CFAP61: variants seen among roughly 807,000 people sequenced by gnomAD.
The protein encoded by CFAP61 is cilia and flagella associated protein 61, also known as cilia- and flagella-associated protein 61.
In CFAP61, 107 loss-of-function variants were observed where a neutral mutation model predicts 135.6. The observed-to-expected ratio is 0.79, with a 90% CI of 0.67 to 0.93. CFAP61 has a LOEUF of 0.93. CFAP61 is among the 40% of genes least tolerant of loss of function. The probability of loss-of-function intolerance (pLI) is 0.00; values close to 1 mark genes in which losing one functional copy is unlikely to be tolerated. For missense variants in CFAP61, 1,507 were observed against 1,556.2 expected, an observed-to-expected ratio of 0.97 and a Z score of 0.53; for synonymous variants, 575 against 578.5, an observed-to-expected ratio of 0.99 and a Z score of 0.09.
At chr20:20,206,314 CA>C (rs772286238) in intron 17 of CFAP61, among the ~76,000 whole-genome samples, 1 of 152,182 alleles carries the variant, frequency 6.6e-6, no homozygotes, top group Non-Finnish European at 1.5e-5. Context: ...CCATACAATT[CA>C]AAGGTTTTTA....
chr20:20,195,285 T>A (rs2056206925), intron 15 of CFAP61, among the ~76,000 whole-genome samples: 1 of 152,220 alleles, frequency 6.6e-6, no homozygotes, highest in Non-Finnish European at 1.5e-5. Flanking sequence ...ACAGAACACA[T>A]CAGGGGCCTT....
intron 6 of CFAP61, among the ~76,000 whole-genome samples, chr20:20,087,284 T>C (rs1218965684): frequency 6.6e-6 from 1 of 152,156 alleles, no homozygotes; most frequent in African/African-American, 2.4e-5. Context: ...CATACCCTGC[T>C]CCTTCTCTCC....
chr20:20,296,320 T>TTCCC (rs1377580319), intron 24 of CFAP61, among the ~76,000 whole-genome samples: 4 of 54,716 alleles, frequency 7.3e-5, no homozygotes, highest in Non-Finnish European at 1.3e-4. Flanking sequence ...CCTTCCCTCC[T>TTCCC]TCCTTCCCTT....
intron 26 of CFAP61, among the ~76,000 whole-genome samples, chr20:20,348,689 C>CAAAAAAAAAAAAAAA (rs71198052): frequency 3.7e-5 from 2 of 53,460 alleles, no homozygotes; most frequent in African/African-American, 7.3e-5. Context: ...GACTCCGTAT[C>CAAAAAAAAAAAAAAA]AAAAAAAAAA....
At chr20:20,251,557 C>A in intron 19 of CFAP61, 38 bp from the exon 20 acceptor site, 1 of 1,603,758 alleles carries the variant, frequency 6.2e-7, no homozygotes, top group Non-Finnish European at 8.5e-7. Flanking sequence ...CCGCTGTCAG[C>A]TGCTCAGATG....
intron 9 of CFAP61, among the ~76,000 whole-genome samples, chr20:20,147,319 C>A (rs894470291): frequency 3.3e-5 from 5 of 152,302 alleles, no homozygotes; most frequent in African/African-American, 9.6e-5. Flanking sequence ...AAGGAATCTC[C>A]AAACTGTTGT....
intron 19 of CFAP61, 88 bp downstream of exon 19, chr20:20,246,303 T>G (rs1190335634): frequency 1.1e-6 from 1 of 881,776 alleles, no homozygotes; most frequent in Admixed American, 2.0e-5. Flanking sequence ...AGATTTCAGA[T>G]TGGAAAAGGA....
At chr20:20,291,779 C>G (rs1212598440) in intron 24 of CFAP61, among the ~76,000 whole-genome samples, 2 of 152,192 alleles carry the variant, frequency 1.3e-5, no homozygotes, top group Non-Finnish European at 2.9e-5. Flanking sequence ...AGTTGAAGAG[C>G]TCCTCTAATA....
chr20:20,332,332 G>A (rs572395160), intron 25 of CFAP61, among the ~76,000 whole-genome samples: 11 of 152,348 alleles, frequency 7.2e-5, no homozygotes, highest in Non-Finnish European at 1.2e-4. Flanking sequence ...GCTCTGGCAA[G>A]TAAGACCAAA....
chr20:20,063,880 A>G (rs1184359371), intron 2 of CFAP61, among the ~76,000 whole-genome samples: 6 of 152,246 alleles, frequency 3.9e-5, no homozygotes, highest in Admixed American at 3.9e-4. Context: ...TTGCATTTTT[A>G]TATACTAACA....
At chr20:20,328,097 G>A (rs570091205) in intron 25 of CFAP61, among the ~76,000 whole-genome samples, 2 of 152,320 alleles carry the variant, frequency 1.3e-5, no homozygotes, top group South Asian at 4.1e-4. Flanking sequence ...AGTACAGGAT[G>A]TTTGAGGAAT....
At chr20:20,067,574 G>T (rs1239335131) in intron 2 of CFAP61, among the ~76,000 whole-genome samples, 2 of 149,754 alleles carry the variant, frequency 1.3e-5, no homozygotes, top group Non-Finnish European at 3.0e-5. Context: ...CCCTGGATGG[G>T]GAGGTTGCAG....
chr20:20,288,948 G>A lies in CFAP61; in HGVS notation c.3124+12G>A, dbSNP rs1601831311. On this transcript the variant is annotated intron_variant, in intron 23 of 26. Transcript: ENST00000245957. Reference sequence around the variant, plus strand: ...AGCCAAGATTCAAGGTATACGAGTAGGCTTCCTTCTCCTTGATGAAGCCAC... The same window carrying A: ...AGCCAAGATTCAAGGTATACGAGTAAGCTTCCTTCTCCTTGATGAAGCCAC... 3 of 1,593,370 alleles carry A rather than the reference G, an allele frequency of 1.9e-6. No individual in the cohort carries two copies. Among genetic ancestry groups the A allele is most frequent in the African/African-American group, 2.7e-5 (2 of 74,592 alleles).
chr20:20,057,587 GTTC>G (rs892779889), intron 2 of CFAP61, among the ~76,000 whole-genome samples: 1 of 152,246 alleles, frequency 6.6e-6, no homozygotes, highest in Middle Eastern at 3.4e-3. Flanking sequence ...CTGTTAAAGT[GTTC>G]TTCTGAACTT....
chr20:20,273,302 G>T (rs1241655049), intron 21 of CFAP61, among the ~76,000 whole-genome samples: 1 of 152,056 alleles, frequency 6.6e-6, no homozygotes, highest in African/African-American at 2.4e-5. Flanking sequence ...CACAATTTTG[G>T]TTACATTAGG....
intron 22 of CFAP61, among the ~76,000 whole-genome samples, chr20:20,282,965 A>G (rs2054311732): frequency 6.6e-6 from 1 of 151,582 alleles, no homozygotes; most frequent in Non-Finnish European, 1.5e-5. Context: ...AATTATTGAG[A>G]CTTGTTTTAT....
chr20:20,121,429 G>T (rs925748828), intron 8 of CFAP61, among the ~76,000 whole-genome samples: 1 of 151,900 alleles, frequency 6.6e-6, no homozygotes, highest in Non-Finnish European at 1.5e-5. Context: ...TTTAATTAGA[G>T]AATTGACTTC....
At position 20,360,276 on chromosome 20, in the gene CFAP61, G is replaced by A. The variant is rs771294918; in HGVS notation, c.3580G>A (p.Glu1194Lys). ...AGAAGATGAGGAAATCAACCCGACTGAGAAGCCCAGGCAATACCTCAAAAG... is the reference window on the plus strand; with the variant it reads ...AGAAGATGAGGAAATCAACCCGACTAAGAAGCCCAGGCAATACCTCAAAAG... The part of the protein sequence containing the change: ...QIEDEEINPT[E>K]KPRQYLKRVF... Residue 1194 changes from glutamate to lysine, a missense_variant, in exon 27 of 27, where the codon GAG becomes AAG. Glu to Lys is a moderately conservative substitution (Grantham distance 56, BLOSUM62 1). Transcript: ENST00000245957. 12 of 1,613,942 alleles carry A rather than the reference G, an allele frequency of 7.4e-6. No individual in the cohort carries two copies. Among genetic ancestry groups the A allele is most frequent in the Non-Finnish European group, 1.0e-5 (12 of 1,180,010 alleles).
chr20:20,357,999 G>GGAGGTGGTCACACTGAGGA (rs2059313330), intron 26 of CFAP61, among the ~76,000 whole-genome samples: 3 of 140,302 alleles, frequency 2.1e-5, no homozygotes, highest in African/African-American at 8.1e-5. Flanking sequence ...TAGTGTGAGG[G>GGAGGTGGTCACACTGAGGA]GAGGTGGTCA....
Sources: allele counts gnomAD v4.1 joint callset (sites outside exome capture counted in the v4.1 genomes callset), GRCh38; gene constraint gnomAD v4.1.1; transcripts MANE v1.5; gene names NCBI Gene and HGNC (gene_info 2026-07-23, HGNC 2026-07-21).